The following LPCAT1 variants were observed in gnomAD, a reference collection of about 807,000 sequenced individuals.
LPCAT1 encodes 1-acylglycerol-3-phosphate O-acyltransferase.
In LPCAT1, 23 loss-of-function variants were observed where a neutral mutation model predicts 60.9. That is an observed-to-expected ratio of 0.38 (90% confidence interval 0.27 to 0.53). LPCAT1 has a LOEUF of 0.53. Among genes scored for constraint, LPCAT1 ranks in the 20% least tolerant of loss-of-function variants. The probability of loss-of-function intolerance (pLI) is 0.82; values close to 1 mark genes in which losing one functional copy is unlikely to be tolerated. For synonymous variants in LPCAT1, 340 were observed against 301.1 expected, an observed-to-expected ratio of 1.13 and a Z score of -1.34; for missense variants, 622 against 723.6, an observed-to-expected ratio of 0.86 and a Z score of 1.61.
chr5:1,507,508 T>G (rs1320564852), intron 1 of LPCAT1, among the ~76,000 whole-genome samples: 1 of 152,152 alleles, frequency 6.6e-6, no homozygotes, highest in African/African-American at 2.4e-5. Context: ...AAATACCACT[T>G]CCCAGCAGAA....
At chr5:1,499,771 T>C (rs1735938321) in intron 2 of LPCAT1, among the ~76,000 whole-genome samples, 1 of 152,110 alleles carries the variant, frequency 6.6e-6, no homozygotes, top group South Asian at 2.1e-4. Context: ...CACGCAACGG[T>C]GCGGCAAACC....
intron 12 of LPCAT1, among the ~76,000 whole-genome samples, chr5:1,468,775 TG>T (rs1427019237): frequency 6.6e-6 from 1 of 152,212 alleles, no homozygotes; most frequent in Non-Finnish European, 1.5e-5. Flanking sequence ...CGTGTGCCTC[TG>T]GGGTCCTAGG....
At chr5:1,468,509 T>G (rs767625454) in intron 12 of LPCAT1, among the ~76,000 whole-genome samples, 1 of 152,174 alleles carries the variant, frequency 6.6e-6, no homozygotes, top group Non-Finnish European at 1.5e-5. Context: ...CATTTGGACA[T>G]GAGAACTGCA....
intron 2 of LPCAT1, among the ~76,000 whole-genome samples, chr5:1,500,890 C>T (rs1246154069): frequency 3.3e-5 from 5 of 152,364 alleles, no homozygotes; most frequent in African/African-American, 4.8e-5. Flanking sequence ...CCACGGCACC[C>T]GCACCAGGTC....
chr5:1,474,565 GCCC>G lies in LPCAT1; in HGVS notation c.1017_1019del (p.Gly340del). On this transcript the variant is annotated inframe_deletion, in exon 10 of 14. Transcript: ENST00000283415. ...AAGAAGAACCAGGTACTCACCCGAG[GCCC>G]CGCACGAGCCTGGCAAATTCTAAAA... is the stretch of plus-strand genomic sequence containing the variant. 1 of 1,613,908 alleles carries G rather than the reference GCCC, an allele frequency of 6.2e-7. No homozygotes were observed. The highest frequency in any genetic ancestry group is 8.5e-7 in the Non-Finnish European group (1 of 1,179,994).
chr5:1,470,535 AGTGTGTGATG>A (rs1341447886), intron 12 of LPCAT1, among the ~76,000 whole-genome samples: 3 of 152,198 alleles, frequency 2.0e-5, no homozygotes, highest in Non-Finnish European at 4.4e-5. Flanking sequence ...GGTGCCCTGT[AGTGTGTGATG>A]GTGTGTGACA....
intron 2 of LPCAT1, among the ~76,000 whole-genome samples, chr5:1,498,506 A>G (rs1361795502): frequency 6.6e-6 from 1 of 152,176 alleles, no homozygotes; most frequent in African/African-American, 2.4e-5. Flanking sequence ...ACATACACAG[A>G]CATCGCTCTC....
chr5:1,506,908 A>C (rs910300490), intron 1 of LPCAT1, among the ~76,000 whole-genome samples: 1 of 152,156 alleles, frequency 6.6e-6, no homozygotes, highest in African/African-American at 2.4e-5. Flanking sequence ...CACCCAAGCA[A>C]GGCCCAGCAC....
At position 1,480,503 on chromosome 5, in the gene LPCAT1, AACTG is replaced by A. The variant is rs1290347627; in HGVS notation, c.761+435_761+438del. The A allele has an allele frequency of 6.6e-5, 23 of 348,238 alleles. No individual in the cohort carries two copies. Among genetic ancestry groups the A allele is most frequent in the Non-Finnish European group, 8.9e-5 (22 of 247,568 alleles). 21.6% of individuals were successfully genotyped at this position (348,238 alleles called of 1,614,324 possible). A position where few individuals can be genotyped will look rare whatever the true frequency, so the allele number is the denominator to read the frequency against. ...TCCGTGGGGTTGTTCATTGTTGCAT[AACTG>A]ACCTTCGGTGTCTCTGCTGGGGGGA... On this transcript the variant is annotated intron_variant, in intron 7 of 13. Coordinates refer to ENST00000283415, the MANE Select transcript of LPCAT1 (RefSeq NM_024830.5). This position sits in a 1 kb window ranked among gnomAD's most constrained non-coding sequence, Gnocchi z 6.4.
chr5:1,494,848 C>T lies in LPCAT1; in HGVS notation c.345G>A (p.Val115=), dbSNP rs1457087456. ...GCAGCGCCTGCCGCCCCTTCACGGC[C>T]ACCCGGTGGAAGCCGCCGGCGAACC... ...TMWFAGGFHR[V]AVKGRQALPT... Residue 115 remains valine (V), a synonymous_variant, in exon 3 of 14, where the codon GTG becomes GTA. Coordinates refer to ENST00000283415, the MANE Select transcript of LPCAT1 (RefSeq NM_024830.5). 1.2e-6 allele frequency: 2 copies of T among 1,613,230 alleles called. No homozygotes were observed. Among genetic ancestry groups the T allele is most frequent in the Admixed American group, 1.7e-5 (1 of 59,966 alleles).
In LPCAT1 at chr5:1,481,014, T is replaced by C. The variant is rs1232266758; in HGVS notation, c.727-38A>G. The C allele has an allele frequency of 1.2e-5, 20 of 1,605,064 alleles. No individual in the cohort carries two copies. The highest frequency in any genetic ancestry group is 1.6e-5 in the Non-Finnish European group (19 of 1,176,812). ...AGGCAGGGTCAGTCAGCATGGGGCC[T>C]GCACCCAGGGCCTGCACCAAGCACC... is the stretch of plus-strand genomic sequence containing the variant. On this transcript the variant is annotated intron_variant, in intron 6 of 13. Transcript: ENST00000283415. The surrounding 1 kb of genome is among the most constrained non-coding windows in gnomAD (Gnocchi z 7.8).
Position 1,474,701 on chromosome 5 carries a change from C to A in LPCAT1, c.900-16G>T. ...ACCCAAGGCCCTACAAGGAGGGCAGCACCCCCGTCAGCCCAGCCTCGTGGC... is the reference window on the plus strand; with the variant it reads ...ACCCAAGGCCCTACAAGGAGGGCAGAACCCCCGTCAGCCCAGCCTCGTGGC... On this transcript the variant is annotated splice_polypyrimidine_tract_variant and intron_variant, in intron 9 of 13. Coordinates refer to ENST00000283415, the MANE Select transcript of LPCAT1 (RefSeq NM_024830.5). 6.2e-7 allele frequency: 1 copy of A among 1,608,510 alleles called. No individual in the cohort carries two copies. The highest frequency in any genetic ancestry group is 8.5e-7 in the Non-Finnish European group (1 of 1,176,580).
chr5:1,507,044 G>A (rs370449885), intron 1 of LPCAT1, among the ~76,000 whole-genome samples: 1 of 152,218 alleles, frequency 6.6e-6, no homozygotes, highest in South Asian at 2.1e-4. Context: ...CGTGGACAAG[G>A]TGGGCAGATG....
In LPCAT1 at chr5:1,491,289, G is replaced by A. The variant is rs572196054; in HGVS notation, c.494-1431C>T. ...TCAAAGAAATGGCCCTGATTGCGTG[G>A]TCTTTCGGTGCCCACTGTTTTGGCC... On this transcript the variant is annotated intron_variant, in intron 3 of 13. Transcript: ENST00000283415. Among the ~76,000 whole-genome samples the A allele has an allele frequency of 2.6e-5, 4 of 152,324 alleles. No homozygotes were observed. In the South Asian group the frequency reaches 6.2e-4, roughly 24 times the overall value.
In LPCAT1 at chr5:1,494,905, G is replaced by C. The variant is rs1327589466; in HGVS notation, c.288C>G (p.Asp96Glu). ...QPPALWRKVV[D>E]FLLKAIMRTM... Reference sequence around the variant, plus strand: ...TGCGCATGATGGCCTTCAGCAGGAAGTCCACAACCCTGCAAAAGAGGGCGC... The same window carrying C: ...TGCGCATGATGGCCTTCAGCAGGAACTCCACAACCCTGCAAAAGAGGGCGC... Residue 96 changes from aspartate to glutamate, a missense_variant, in exon 3 of 14, where the codon GAC (aspartate) becomes GAG (glutamate). This residue lies in a region of LPCAT1 where 209 missense variants were observed against 325.5 expected (regional missense o/e 0.64). Coordinates refer to ENST00000283415, the MANE Select transcript of LPCAT1 (RefSeq NM_024830.5). 1.2e-6 allele frequency: 2 copies of C among 1,607,956 alleles called. No homozygotes were observed. The highest frequency in any genetic ancestry group is 1.7e-6 in the Non-Finnish European group (2 of 1,176,974).
intron 1 of LPCAT1, among the ~76,000 whole-genome samples, chr5:1,516,800 C>T (rs1443519986): frequency 1.3e-5 from 2 of 152,104 alleles, no homozygotes; most frequent in African/African-American, 2.4e-5. Flanking sequence ...ACACAGGGGA[C>T]GAGGGCACAG....
rs766233112 is a variant in LPCAT1 at position 1,477,627 on chromosome 5, CGTGT to C, written c.817-145_817-142del. The C allele has an allele frequency of 3.7e-4, 227 of 618,668 alleles. No individual in the cohort carries two copies. Among genetic ancestry groups the C allele is most frequent in the Non-Finnish European group, 5.8e-4 (199 of 345,714 alleles). 38.3% of individuals were successfully genotyped at this position (618,668 alleles called of 1,614,324 possible). On this transcript the variant is annotated intron_variant, in intron 8 of 13. Transcript: ENST00000283415. The surrounding 1 kb of genome is among the most constrained non-coding windows in gnomAD (Gnocchi z 6.0). ...ACCGTCTTCAAAGTTGTCATGTGCA[CGTGT>C]GTGTACGCACACACACACCCCCATG...
intron 12 of LPCAT1, among the ~76,000 whole-genome samples, chr5:1,468,600 C>G (rs1024611281): frequency 5.8e-4 from 88 of 152,362 alleles, no homozygotes; most frequent in African/African-American, 2.1e-3. Context: ...CCACAGGCAA[C>G]AGACTTCAGG....
chr5:1,513,620 C>T (rs1347802397), intron 1 of LPCAT1, among the ~76,000 whole-genome samples: 3 of 152,164 alleles, frequency 2.0e-5, no homozygotes, highest in Admixed American at 6.5e-5. Context: ...CAGGCTCTCA[C>T]CCGTGGGGCA....
Sources: gnomAD v4.1 joint callset for allele counts (sites outside exome capture counted in the v4.1 genomes callset) on GRCh38, gnomAD v4.1.1 for gene constraint, gnomAD v4.1.1 regional missense constraint, Gnocchi (gnomAD v3.1) non-coding constraint, MANE v1.5 for transcripts, NCBI Gene and HGNC (gene_info 2026-07-23, HGNC 2026-07-21) for gene names.